The following PCDHGA6 variants were observed in gnomAD, a reference collection of about 807,000 sequenced individuals.
PCDHGA6 encodes the protein protocadherin gamma subfamily A, 6.
Under a neutral mutation model 60.6 loss-of-function variants are expected in PCDHGA6, and 41 were observed. The ratio of observed to expected loss-of-function variants is 0.68; its 90% CI spans 0.53 to 0.88. PCDHGA6 has a LOEUF of 0.88. PCDHGA6 is among the 40% of genes least tolerant of loss of function. The pLI, the probability that PCDHGA6 is intolerant of heterozygous loss-of-function variation, is 0.00. For missense variants in PCDHGA6, 1,312 were observed against 1,203.0 expected (o/e 1.09, Z -1.34); for synonymous variants, 594 against 524.4 (o/e 1.13, Z -1.81).
chr5:141,468,229 G>A (rs1363462610), intron 1 of PCDHGA6, among the ~76,000 whole-genome samples: 4 of 150,884 alleles, frequency 2.7e-5, no homozygotes, highest in Non-Finnish European at 5.9e-5. Flanking sequence ...GGAGGATGAG[G>A]TAGGAGAATT....
intron 1 of PCDHGA6, chr5:141,423,297 C>T: frequency 1.9e-6 from 3 of 1,614,170 alleles, no homozygotes; most frequent in South Asian, 1.1e-5. Flanking sequence ...CCTCAGACCT[C>T]TCGCTGTACT....
At chr5:141,481,703 C>T (rs909197135) in intron 1 of PCDHGA6, among the ~76,000 whole-genome samples, 1 of 152,090 alleles carries the variant, frequency 6.6e-6, no homozygotes, top group Admixed American at 6.5e-5. Context: ...CCTGTAATCC[C>T]AGCACTTTGG....
At chr5:141,406,748 A>G (rs180930343) in intron 1 of PCDHGA6, among the ~76,000 whole-genome samples, 80 of 152,312 alleles carry the variant, frequency 5.3e-4, no homozygotes, top group Non-Finnish European at 1.5e-4. Context: ...GTGAAATGAC[A>G]AAACAAGGAA....
In PCDHGA6 at chr5:141,476,034, C is replaced by G. The variant is rs934044974; in HGVS notation, c.2425-18773C>G. On this transcript the variant is annotated intron_variant, in intron 1 of 3. Transcript: ENST00000517434. This position sits in a 1 kb window ranked among gnomAD's most constrained non-coding sequence, Gnocchi z 7.6. ...CCATGTCGGACTCGGCGCCCAGCGC[C>G]CAAGCGCTAACCCGCTGAAAGTTTC... The G allele has an allele frequency of 2.0e-6, 3 of 1,464,488 alleles. No homozygotes were observed. Among genetic ancestry groups the G allele is most frequent in the Non-Finnish European group, 2.7e-6 (3 of 1,100,656 alleles). 90.7% of individuals were successfully genotyped at this position (1,464,488 alleles called of 1,614,324 possible). A position where few individuals can be genotyped will look rare whatever the true frequency, so the allele number is the denominator to read the frequency against.
intron 1 of PCDHGA6, chr5:141,418,604 G>C: frequency 6.2e-7 from 1 of 1,614,040 alleles, no homozygotes; most frequent in African/African-American, 1.3e-5. Context: ...CGTGTACAGG[G>C]TTAGCCTTCG....
rs368800698 is a variant in PCDHGA6, at chr5:141,405,118, G to A, written c.2424+28611G>A. The A allele has an allele frequency of 1.1e-5, 18 of 1,613,946 alleles. No homozygotes were observed. The East Asian group carries it at 1.8e-4, about 16-fold the overall frequency. ...TCAGGCTGAGGCACTGGCACTCCTCGCATCTGCTGCGGGCTACCAGTGATG... is the reference window on the plus strand; with the variant it reads ...TCAGGCTGAGGCACTGGCACTCCTCACATCTGCTGCGGGCTACCAGTGATG... On this transcript the variant is annotated intron_variant, in intron 1 of 3. Transcript: ENST00000517434.
chr5:141,422,467 G>A (rs1380910490), intron 1 of PCDHGA6: 1 of 1,613,664 alleles, frequency 6.2e-7, no homozygotes, highest in Non-Finnish European at 8.5e-7. Context: ...GCTGGACAGG[G>A]AGTTGGTCCA....
At chr5:141,399,494 G>T in intron 1 of PCDHGA6, 1 of 1,614,032 alleles carries the variant, frequency 6.2e-7, no homozygotes, top group Non-Finnish European at 8.5e-7. Flanking sequence ...TACTTAGTCA[G>T]TGTACCCGAA....
intron 1 of PCDHGA6, among the ~76,000 whole-genome samples, chr5:141,450,006 C>CTATTTTTTTTTT (rs70988802): frequency 7.5e-6 from 1 of 132,986 alleles, no homozygotes. Context: ...TGCCATGTCT[C>CTATTTTTTTTTT]TTTTTTTTTT....
chr5:141,478,801 T>G (rs2099477985), intron 1 of PCDHGA6: 1 of 1,463,438 alleles, frequency 6.8e-7, no homozygotes, highest in African/African-American at 1.4e-5. Flanking sequence ...TCAGCACTCT[T>G]TTGCTATCAC....
chr5:141,487,824 C>A lies in PCDHGA6; in HGVS notation c.2425-6983C>A. The stretch of plus-strand genomic sequence containing the variant: ...TCACAGTTTAGCATTGGGGGCGGGT[C>A]ATGCCTATATCTGAGTAAGAAATGA... On this transcript the variant is annotated intron_variant, in intron 1 of 3. Coordinates refer to ENST00000517434, the MANE Select transcript of PCDHGA6 (RefSeq NM_018919.3). This position sits in a 1 kb window ranked among gnomAD's most constrained non-coding sequence, Gnocchi z 5.0. 2 of 1,247,252 alleles carry A rather than the reference C, an allele frequency of 1.6e-6. No individual in the cohort carries two copies. The highest frequency in any genetic ancestry group is 2.9e-5 in the South Asian group (2 of 68,154). The allele number at this position is 1,247,252 out of a possible 1,614,324, so 77.3% of individuals were successfully genotyped here. A position where few individuals can be genotyped will look rare whatever the true frequency, so the allele number is the denominator to read the frequency against.
chr5:141,409,345 A>T lies in PCDHGA6; in HGVS notation c.2424+32838A>T, dbSNP rs1012428329. 4 of 1,613,902 alleles carry T rather than the reference A, an allele frequency of 2.5e-6. No individual in the cohort carries two copies. In the African/African-American group the frequency reaches 5.3e-5, roughly 22 times the overall value. ...ATCTGGATTTCGGAGGAAATGGAGAAGTCAGGTGTAATATAGAAACAGACA... is the reference window on the plus strand; with the variant it reads ...ATCTGGATTTCGGAGGAAATGGAGATGTCAGGTGTAATATAGAAACAGACA... On this transcript the variant is annotated intron_variant, in intron 1 of 3. Transcript: ENST00000517434.
chr5:141,415,048 G>C lies in PCDHGA6; in HGVS notation c.2424+38541G>C, dbSNP rs535976406. The C allele has an allele frequency of 5.0e-5, 80 of 1,613,320 alleles. 1 individual carries two copies. The Admixed American group carries it at 6.0e-4, about 12-fold the overall frequency. ...CGAGCCGGGACTCTTCGCGGTGGGG[G>C]AGCACACGGGCGAGGTGCGCACGGC... is the stretch of plus-strand genomic sequence containing the variant. On this transcript the variant is annotated intron_variant, in intron 1 of 3. Transcript: ENST00000517434.
At chr5:141,385,355 G>A in intron 1 of PCDHGA6, 1 of 1,548,228 alleles carries the variant, frequency 6.5e-7, no homozygotes, top group Non-Finnish European at 8.7e-7. Flanking sequence ...TTTCCATGAG[G>A]AATTTATTTG....
At chr5:141,461,170 G>T (rs1347666737) in intron 1 of PCDHGA6, among the ~76,000 whole-genome samples, 1 of 152,052 alleles carries the variant, frequency 6.6e-6, no homozygotes. Context: ...GGGATTGCTG[G>T]ATTGAATGGT....
At position 141,375,447 on chromosome 5, in the gene PCDHGA6, C is replaced by T; in HGVS notation, c.1364C>T (p.Ser455Leu). The change falls in exon 1 of 4, where the codon TCA becomes TTA. Residue 455 changes from serine (S) to leucine (L), a missense_variant. Coordinates refer to ENST00000517434, the MANE Select transcript of PCDHGA6 (RefSeq NM_018919.3). ...TNDNPPTFPH[S>L]SYSVYVLENN... The stretch of plus-strand genomic sequence containing the variant: ...GACAACCCGCCCACCTTCCCCCATT[C>T]ATCCTACTCAGTCTATGTCCTTGAA... 6.2e-7 allele frequency: 1 copy of T among 1,614,018 alleles called. No individual in the cohort carries two copies. Among genetic ancestry groups the T allele is most frequent in the Non-Finnish European group, 8.5e-7 (1 of 1,180,028 alleles).
At chr5:141,494,161 T>G (rs1420295862) in intron 1 of PCDHGA6, among the ~76,000 whole-genome samples, 3 of 152,052 alleles carry the variant, frequency 2.0e-5, no homozygotes, top group African/African-American at 7.3e-5. Flanking sequence ...TGGCACGGAG[T>G]TCTAGGGGTG....
intron 1 of PCDHGA6, chr5:141,400,004 G>T (rs750835037): frequency 2.5e-6 from 4 of 1,612,420 alleles, no homozygotes; most frequent in East Asian, 2.2e-5. Flanking sequence ...CGCACAGCGC[G>T]TGCCTTGGGC....
Position 141,432,244 on chromosome 5 carries a change from C to T in PCDHGA6, c.2424+55737C>T. 1 of 1,614,262 alleles carries T rather than the reference C, an allele frequency of 6.2e-7. No homozygotes were observed. Among genetic ancestry groups the T allele is most frequent in the Non-Finnish European group, 8.5e-7 (1 of 1,180,048 alleles). On this transcript the variant is annotated intron_variant, in intron 1 of 3. Coordinates refer to ENST00000517434, the MANE Select transcript of PCDHGA6 (RefSeq NM_018919.3). The surrounding 1 kb of genome is among the most constrained non-coding windows in gnomAD (Gnocchi z 6.0). ...TCACTTATTCCCTGGCTGAGAACAC[C>T]ATCCAAGGGGCAAGCCTATCGTCCT...
Sources: allele counts gnomAD v4.1 joint callset (sites outside exome capture counted in the v4.1 genomes callset), GRCh38; gene constraint gnomAD v4.1.1; non-coding constraint Gnocchi (gnomAD v3.1); transcripts MANE v1.5; gene names NCBI Gene and HGNC (gene_info 2026-07-23, HGNC 2026-07-21).